The following VPS13B variants were observed in gnomAD, a reference collection of about 807,000 sequenced individuals.
The protein encoded by VPS13B is intermembrane lipid transfer protein VPS13B.
In VPS13B, 285 loss-of-function variants were observed where a neutral mutation model predicts 426.4. That is an observed-to-expected ratio of 0.67 (90% CI 0.61 to 0.74). VPS13B has a LOEUF of 0.74. Ranked by LOEUF, VPS13B falls within the 30% of genes least tolerant of loss-of-function variation. The pLI, the probability that VPS13B is intolerant of heterozygous loss-of-function variation, is 0.00. For synonymous variants in VPS13B, 1,676 were observed against 1,676.4 expected (o/e 1.00, Z 0.01); for missense variants, 4,537 against 4,782.6 (o/e 0.95, Z 1.51).
chr8:99,035,745 A>G (rs1472246334), intron 2 of VPS13B, among the ~76,000 whole-genome samples: 4 of 151,656 alleles, frequency 2.6e-5, no homozygotes, highest in African/African-American at 9.7e-5. Flanking sequence ...AGGAACCTCC[A>G]TATTATGTTC....
chr8:99,781,561 T>C (rs148024425), intron 42 of VPS13B, among the ~76,000 whole-genome samples: 11 of 152,300 alleles, frequency 7.2e-5, no homozygotes, highest in African/African-American at 2.6e-4. Flanking sequence ...TTATTACAGT[T>C]ATAATGAACT....
intron 19 of VPS13B, among the ~76,000 whole-genome samples, chr8:99,311,117 C>A (rs1820945400): frequency 6.6e-6 from 1 of 152,098 alleles, no homozygotes; most frequent in South Asian, 2.1e-4. Flanking sequence ...TTTCAAAAAA[C>A]CAGGTCCTGG....
intron 33 of VPS13B, among the ~76,000 whole-genome samples, chr8:99,640,066 G>GAAGAAGAAGAA (rs1563838997): frequency 4.0e-5 from 5 of 124,192 alleles, no homozygotes; most frequent in African/African-American, 1.5e-4. Context: ...GAAAAGAAAA[G>GAAGAAGAAGAA]AAAAGAAAAG....
intron 16 of VPS13B, among the ~76,000 whole-genome samples, chr8:99,177,491 A>G (rs1327642506): frequency 6.6e-6 from 1 of 152,228 alleles, no homozygotes; most frequent in East Asian, 1.9e-4. Flanking sequence ...GTATCTTTAT[A>G]TTAGATTTTT....
chr8:99,548,067 G>A (rs1382667019), intron 30 of VPS13B, among the ~76,000 whole-genome samples: 1 of 151,936 alleles, frequency 6.6e-6, no homozygotes, highest in African/African-American at 2.4e-5. Flanking sequence ...ATTTTTTAAG[G>A]CAGACGTTAA....
At chr8:99,493,004 G>A (rs533004042) in intron 25 of VPS13B, among the ~76,000 whole-genome samples, 19 of 152,212 alleles carry the variant, frequency 1.2e-4, no homozygotes, top group African/African-American at 2.4e-5. Context: ...TCTTGGAAGC[G>A]ACTTCGAAAT....
At chr8:99,424,999 T>C (rs1240832860) in intron 21 of VPS13B, among the ~76,000 whole-genome samples, 1 of 151,988 alleles carries the variant, frequency 6.6e-6, no homozygotes, top group Non-Finnish European at 1.5e-5. Context: ...CATACACCCT[T>C]CCAAGTCTAA....
At chr8:99,419,962 A>AT (rs1554780422) in intron 21 of VPS13B, among the ~76,000 whole-genome samples, 1 of 152,194 alleles carries the variant, frequency 6.6e-6, no homozygotes, top group Non-Finnish European at 1.5e-5. Context: ...AATAAAGTCC[A>AT]TAAACATAAG....
At chr8:99,458,913 C>A (rs1818676817) in intron 23 of VPS13B, among the ~76,000 whole-genome samples, 1 of 152,126 alleles carries the variant, frequency 6.6e-6, no homozygotes, top group South Asian at 2.1e-4. Flanking sequence ...TGCAGAAGCT[C>A]TTTAGTTTAA....
chr8:99,100,292 A>AT (rs1301738938), intron 4 of VPS13B, among the ~76,000 whole-genome samples: 57 of 152,058 alleles, frequency 3.7e-4, no homozygotes, highest in South Asian at 6.2e-4. Context: ...GAAAGAAAAA[A>AT]AAATATATAT....
intron 3 of VPS13B, among the ~76,000 whole-genome samples, chr8:99,062,225 C>T (rs1166316543): frequency 6.6e-6 from 1 of 152,126 alleles, no homozygotes; most frequent in Non-Finnish European, 1.5e-5. Context: ...ATGCCATTTC[C>T]TGTAAATAAG....
chr8:99,536,902 T>C, intron 30 of VPS13B: 1 of 459,236 alleles, frequency 2.2e-6, no homozygotes, highest in South Asian at 1.6e-5. Context: ...AAAAGTAACA[T>C]GCATAGAGTT....
Position 99,142,997 on chromosome 8 carries a change from T to C in VPS13B, c.1675T>C (p.Ser559Pro), listed in dbSNP as rs1441862153. 4.3e-6 allele frequency: 7 copies of C among 1,613,520 alleles called. No homozygotes were observed. The highest frequency in any genetic ancestry group is 5.9e-6 in the Non-Finnish European group (7 of 1,179,882). ...GKGSTNQQDF[S>P]SGKSEDLGTV... ...AGGTTCCACAAATCAACAAGACTTTTCTTCAGGGAAAAGTGAAGATTTGGG... is the reference window on the plus strand; with the variant it reads ...AGGTTCCACAAATCAACAAGACTTTCCTTCAGGGAAAAGTGAAGATTTGGG... Residue 559 changes from serine to proline, a missense_variant, in exon 13 of 62, where the codon TCT (serine) becomes CCT (proline). Ser to Pro is a moderately conservative substitution (Grantham distance 74). This residue lies in a region of VPS13B where 4,311 missense variants were observed against 4,474.3 expected (regional missense o/e 0.96). Coordinates refer to ENST00000357162, the MANE Select transcript of VPS13B (RefSeq NM_152564.5).
intron 3 of VPS13B, among the ~76,000 whole-genome samples, chr8:99,075,232 A>T (rs1244134444): frequency 1.3e-5 from 2 of 152,112 alleles, no homozygotes; most frequent in Non-Finnish European, 2.9e-5. Context: ...ATGAAAAGAG[A>T]TTTAATTTGC....
At chr8:99,558,817 C>T (rs967487834) in intron 31 of VPS13B, among the ~76,000 whole-genome samples, 4 of 152,142 alleles carry the variant, frequency 2.6e-5, no homozygotes, top group African/African-American at 7.2e-5. Flanking sequence ...CATTGATGGA[C>T]ATTTGGGTTG....
intron 21 of VPS13B, among the ~76,000 whole-genome samples, chr8:99,410,388 G>A (rs1052843834): frequency 1.8e-4 from 28 of 151,872 alleles, no homozygotes; most frequent in African/African-American, 6.5e-4. Context: ...TTGTGAATCT[G>A]TGCCTTTGTG....
intron 19 of VPS13B, among the ~76,000 whole-genome samples, chr8:99,328,733 TC>T (rs766975450): frequency 2.6e-4 from 40 of 152,190 alleles, no homozygotes; most frequent in Non-Finnish European, 5.0e-4. Flanking sequence ...TTAATTTTTT[TC>T]AGTCAGTTTG....
intron 17 of VPS13B, chr8:99,234,113 G>A: frequency 1.3e-6 from 1 of 784,238 alleles, no homozygotes; most frequent in Non-Finnish European, 2.4e-6. Context: ...GCTCCCGGAA[G>A]AGTGGTCCCC....
intron 23 of VPS13B, among the ~76,000 whole-genome samples, chr8:99,463,651 T>C (rs1818949417): frequency 1.3e-5 from 2 of 152,164 alleles, no homozygotes; most frequent in Admixed American, 6.5e-5. Context: ...ATTACTTAAA[T>C]TAACATCACT....
Sources: gnomAD v4.1 joint callset for allele counts (sites outside exome capture counted in the v4.1 genomes callset) on GRCh38, gnomAD v4.1.1 for gene constraint, gnomAD v4.1.1 regional missense constraint, MANE v1.5 for transcripts, NCBI Gene and HGNC (gene_info 2026-07-23, HGNC 2026-07-21) for gene names.